ADCY10: variants seen among roughly 807,000 people sequenced by gnomAD.
ADCY10 encodes adenylate cyclase type 10.
In ADCY10, 156 loss-of-function variants were observed where a neutral mutation model predicts 183.3. The observed-to-expected ratio is 0.85, with a 90% CI of 0.75 to 0.97. ADCY10 has a LOEUF of 0.97. Ranked by LOEUF, ADCY10 falls within the 50% of genes least tolerant of loss-of-function variation. The pLI is 0.00. For synonymous variants in ADCY10, 645 were observed against 670.0 expected (o/e 0.96, Z 0.58); for missense variants, 1,745 against 1,934.3 (o/e 0.90, Z 1.84).
intron 21 of ADCY10, among the ~76,000 whole-genome samples, chr1:167,843,543 C>T (rs1664803354): frequency 6.6e-6 from 1 of 152,084 alleles, no homozygotes; most frequent in Non-Finnish European, 1.5e-5. Context: ...CTCGGTGCTC[C>T]AGTCTGTCCC....
intron 14 of ADCY10, 33 bp downstream of exon 14, chr1:167,870,224 G>A: frequency 6.2e-7 from 1 of 1,612,948 alleles, no homozygotes; most frequent in Non-Finnish European, 8.5e-7. Flanking sequence ...GATTCTATGG[G>A]TTCACACAGA....
chr1:167,903,093 G>GA (rs1261553722), intron 3 of ADCY10, among the ~76,000 whole-genome samples: 5 of 144,858 alleles, frequency 3.5e-5, no homozygotes, highest in African/African-American at 1.3e-4. Context: ...TATCTCTACT[G>GA]AAAAAAATAC....
intron 8 of ADCY10, among the ~76,000 whole-genome samples, chr1:167,883,869 C>A (rs1024315450): frequency 1.3e-5 from 2 of 152,236 alleles, no homozygotes; most frequent in Non-Finnish European, 2.9e-5. Context: ...ATTACCCCAA[C>A]TGCTGGCTTC....
chr1:167,826,897 AG>A (rs1663332034), intron 26 of ADCY10, among the ~76,000 whole-genome samples: 1 of 152,226 alleles, frequency 6.6e-6, no homozygotes, highest in Non-Finnish European at 1.5e-5. Flanking sequence ...GAACCAAAAG[AG>A]GACCAATATG....
intron 3 of ADCY10, 56 bp from the exon 4 acceptor site, chr1:167,902,110 A>G: frequency 6.6e-7 from 1 of 1,515,352 alleles, no homozygotes; most frequent in Non-Finnish European, 9.1e-7. Context: ...GTAGTAAAAA[A>G]ACATCATTCT....
chr1:167,876,401 T>G (rs149317066), intron 12 of ADCY10, among the ~76,000 whole-genome samples: 1 of 152,106 alleles, frequency 6.6e-6, no homozygotes, highest in Non-Finnish European at 1.5e-5. Flanking sequence ...AGGGTGCATA[T>G]GTTTGCTCAC....
At chr1:167,887,616 G>C (rs947216074) in intron 8 of ADCY10, among the ~76,000 whole-genome samples, 2 of 151,948 alleles carry the variant, frequency 1.3e-5, no homozygotes, top group Non-Finnish European at 2.9e-5. Context: ...AATGGGTGCA[G>C]CATACCAACA....
intron 23 of ADCY10, among the ~76,000 whole-genome samples, chr1:167,835,593 T>G (rs112776890): frequency 0.016 from 2,483 of 152,268 alleles, 68 homozygotes; most frequent in African/African-American, 0.057. Flanking sequence ...GATCACAATA[T>G]TAAAACCAGA....
intron 8 of ADCY10, among the ~76,000 whole-genome samples, chr1:167,890,701 C>T (rs73022193): frequency 0.061 from 9,253 of 152,208 alleles, 370 homozygotes; most frequent in Middle Eastern, 0.12. Context: ...GAGTTTGGCT[C>T]TCTTATTTTT....
chr1:167,882,987 T>C (rs1309244265), intron 9 of ADCY10, among the ~76,000 whole-genome samples: 9 of 152,204 alleles, frequency 5.9e-5, no homozygotes, highest in Non-Finnish European at 1.2e-4. Context: ...AAGTGCCATA[T>C]CCACCATAGA....
chr1:167,901,573 C>T, intron 5 of ADCY10, 89 bp downstream of exon 5: 1 of 1,338,780 alleles, frequency 7.5e-7, no homozygotes. Flanking sequence ...CCACCATGTT[C>T]TACTACTTCT....
At position 167,880,558 on chromosome 1, in the gene ADCY10, C is replaced by T. The variant is rs780855146; in HGVS notation, c.1072G>A (p.Glu358Lys). The change falls in exon 10 of 33, where the codon GAG (glutamate) becomes AAG (lysine). Residue 358 changes from glutamate to lysine, a missense_variant. Coordinates refer to ENST00000367851, the MANE Select transcript of ADCY10 (RefSeq NM_018417.6). ...GCACATTCCAGAGCATGAGTGAGCTCGTCAGGTACCTTTTCCCCAGGGAAG... is the reference window on the plus strand; with the variant it reads ...GCACATTCCAGAGCATGAGTGAGCTTGTCAGGTACCTTTTCCCCAGGGAAG... Reference protein sequence around the residue: ...FGFPGEKVPDELTHALECAMD... With the variant: ...FGFPGEKVPDKLTHALECAMD... The T allele has an allele frequency of 1.9e-6, 3 of 1,613,954 alleles. No homozygotes were observed. The highest frequency in any genetic ancestry group is 2.2e-5 in the East Asian group (1 of 44,886).
intron 31 of ADCY10, among the ~76,000 whole-genome samples, chr1:167,814,500 C>T (rs981143758): frequency 3.3e-5 from 5 of 151,080 alleles, no homozygotes; most frequent in East Asian, 3.9e-4. Context: ...CCAATAAGAT[C>T]GTCAATATAT....
At position 167,896,670 on chromosome 1, in the gene ADCY10, G is replaced by A. The variant is rs1017775328; in HGVS notation, c.664C>T (p.Pro222Ser). Residue 222 changes from proline (P) to serine (S), a missense_variant, in exon 7 of 33, where the codon CCC (proline) becomes TCC (serine). Pro to Ser is a moderately conservative substitution (Grantham distance 74, BLOSUM62 -1). Transcript: ENST00000367851. ...AVKVNFLKPP[P>S]NFNFDEFFTK... ...AAAAATTCATCAAAATTAAAATTGG[G>A]GGGTGGTTTTAAGAAGTTAACCTAA... The A allele has an allele frequency of 1.3e-5, 21 of 1,612,642 alleles. No homozygotes were observed. The highest frequency in any genetic ancestry group is 1.8e-5 in the Non-Finnish European group (21 of 1,178,742).
chr1:167,869,582 G>A (rs980184049), intron 14 of ADCY10, among the ~76,000 whole-genome samples: 4 of 152,132 alleles, frequency 2.6e-5, no homozygotes, highest in Non-Finnish European at 4.4e-5. Context: ...GTTAAAATTC[G>A]ACCCCTGACC....
intron 21 of ADCY10, among the ~76,000 whole-genome samples, chr1:167,843,536 G>A (rs204263): frequency 0.16 from 24,058 of 151,750 alleles, 1,983 homozygotes; most frequent in Middle Eastern, 0.21. Flanking sequence ...GCATCTTCTC[G>A]GTGCTCCAGT....
rs2101816257 is a variant in ADCY10, at chr1:167,809,477, T to C, written c.*201A>G. 1.6e-6 allele frequency: 1 copy of C among 608,406 alleles called. No individual in the cohort carries two copies. The highest frequency in any genetic ancestry group is 2.8e-6 in the Non-Finnish European group (1 of 353,194). 37.7% of individuals were successfully genotyped at this position (608,406 alleles called of 1,614,324 possible). Reference sequence around the variant, plus strand: ...CAACATGAATGGTAAAAGCAATTTTTTGTAACATTAGGAAGAAGTAAACCA... The same window carrying C: ...CAACATGAATGGTAAAAGCAATTTTCTGTAACATTAGGAAGAAGTAAACCA... On this transcript the variant is annotated 3_prime_UTR_variant, in exon 33 of 33. Transcript: ENST00000367851.
intron 31 of ADCY10, among the ~76,000 whole-genome samples, chr1:167,817,076 G>T (rs928839668): frequency 6.6e-6 from 1 of 151,966 alleles, no homozygotes; most frequent in African/African-American, 2.4e-5. Context: ...AAGTGGTGTT[G>T]TTTTGGCCTT....
chr1:167,824,528 G>A lies in ADCY10; in HGVS notation c.4000C>T (p.Arg1334Ter), dbSNP rs146725782. Residue 1334 changes from arginine (R) to a stop codon, truncating the protein, a stop_gained, in exon 28 of 33, where the codon CGA (arginine) becomes TGA (stop). Coordinates refer to ENST00000367851, the MANE Select transcript of ADCY10 (RefSeq NM_018417.6). LOFTEE classifies it high-confidence loss of function. ...QMWALLQNPNRHYQSLCRLSR... is the reference protein window; with the variant it reads ...QMWALLQNPN ...AGTCTGCAGAGGGACTGATAATGTC[G>A]GTTGGGATTCTGGAGCAGTGCCCAC... is the stretch of plus-strand genomic sequence containing the variant. 91 of 1,614,050 alleles carry A rather than the reference G, an allele frequency of 5.6e-5. No homozygotes were observed. Among genetic ancestry groups the A allele is most frequent in the Non-Finnish European group, 6.0e-5 (71 of 1,180,036 alleles).
Sources: gnomAD v4.1 joint callset for allele counts (sites outside exome capture counted in the v4.1 genomes callset) on GRCh38, gnomAD v4.1.1 for gene constraint, MANE v1.5 for transcripts, NCBI Gene and HGNC (gene_info 2026-07-23, HGNC 2026-07-21) for gene names.